NTSR2: variants seen among roughly 807,000 people sequenced by gnomAD.
NTSR2 encodes neurotensin receptor 2.
A neutral mutation model predicts 24.1 loss-of-function variants in NTSR2; 22 were observed. The observed-to-expected ratio is 0.91, with a 90% CI of 0.65 to 1.30. The LOEUF (loss-of-function observed/expected upper bound fraction) is 1.30, where lower values mean the gene tolerates loss of function less well. Among genes scored for constraint, NTSR2 ranks in the 50% most tolerant of loss-of-function variants. The pLI is 0.00. For synonymous variants in NTSR2, 291 were observed against 267.0 expected (o/e 1.09, Z -0.88); for missense variants, 570 against 570.4 (o/e 1.00, Z 0.01).
intron 1 of NTSR2, among the ~76,000 whole-genome samples, chr2:11,666,946 A>G (rs1572269018): frequency 6.6e-6 from 1 of 151,922 alleles, no homozygotes; most frequent in African/African-American, 2.4e-5. Context: ...GTGGGAAGAA[A>G]AGGCAGGAAA....
In NTSR2 at chr2:11,669,721, C is replaced by A. The variant is rs947758675; in HGVS notation, c.409G>T (p.Val137Leu). Residue 137 changes from valine (V) to leucine (L), a missense_variant, in exon 1 of 4, where the codon GTG (valine) becomes TTG (leucine). By Grantham distance (32) the Val-to-Leu change is conservative (BLOSUM62 1). Coordinates refer to ENST00000306928, the MANE Select transcript of NTSR2 (RefSeq NM_012344.4). ...AGLSAERCLA[V>L]CQPLRARSLL... ...CTGCGGGCACGCAGGGGCTGGCACACGGCTAGGCAGCGCTCGGCGCTCAGG... is the reference window on the plus strand; with the variant it reads ...CTGCGGGCACGCAGGGGCTGGCACAAGGCTAGGCAGCGCTCGGCGCTCAGG... 1.3e-6 allele frequency: 2 copies of A among 1,531,666 alleles called. No individual in the cohort carries two copies. Among genetic ancestry groups the A allele is most frequent in the Non-Finnish European group, 1.7e-6 (2 of 1,144,448 alleles). The allele number at this position is 1,531,666 out of a possible 1,614,324, so 94.9% of individuals were successfully genotyped here.
chr2:11,669,460 G>GGGGGGGGGCCCCCCCCCCCCCCCCCCC, intron 1 of NTSR2, 46 bp downstream of exon 1: 2 of 254,726 alleles, frequency 7.9e-6, no homozygotes, highest in Non-Finnish European at 1.4e-5. Context: ...TCCCAGCACC[G>GGGGGGGGGCCCCCCCCCCCCCCCCCCC]CCCCCCCACC....
chr2:11,664,701 A>T (rs1396385080), intron 1 of NTSR2, among the ~76,000 whole-genome samples: 1 of 152,212 alleles, frequency 6.6e-6, no homozygotes, highest in Non-Finnish European at 1.5e-5. Flanking sequence ...TGCATTAGTA[A>T]TTAATCTTTG....
At chr2:11,664,563 A>G (rs1237820576) in intron 1 of NTSR2, among the ~76,000 whole-genome samples, 1 of 152,142 alleles carries the variant, frequency 6.6e-6, no homozygotes, top group Non-Finnish European at 1.5e-5. Flanking sequence ...ATAAAACACT[A>G]CCTGTGACCA....
Position 11,662,068 on chromosome 2 carries a change from A to G in NTSR2, c.797T>C (p.Ile266Thr), listed in dbSNP as rs1394147338. Reference sequence around the variant, plus strand: ...CTGGATAAAGGTCTTCTTCCATACGATGAAGCTGAGGAGACCCTCCTCACT... The same window carrying G: ...CTGGATAAAGGTCTTCTTCCATACGGTGAAGCTGAGGAGACCCTCCTCACT... ...LLSEEGLLSF[I>T]VWKKTFIQGG... The change falls in exon 2 of 4, where the codon ATC becomes ACC. Residue 266 changes from isoleucine to threonine, a missense_variant. Physicochemically the swap from Ile to Thr is moderately conservative, Grantham distance 89 (BLOSUM62 -1). Transcript: ENST00000306928. 3.1e-6 allele frequency: 5 copies of G among 1,613,550 alleles called. No homozygotes were observed. In the African/African-American group the frequency reaches 5.3e-5, roughly 17 times the overall value.
At chr2:11,669,399 C>T (rs1661272588) in intron 1 of NTSR2, 107 bp downstream of exon 1, 3 of 957,190 alleles carry the variant, frequency 3.1e-6, no homozygotes, top group Non-Finnish European at 2.8e-6. Flanking sequence ...TGGGTGGTGG[C>T]GAGCATTAGA....
At chr2:11,662,625 C>T (rs1256651753) in intron 1 of NTSR2, among the ~76,000 whole-genome samples, 4 of 152,032 alleles carry the variant, frequency 2.6e-5, no homozygotes, top group Non-Finnish European at 5.9e-5. Context: ...ACTAAAAATA[C>T]AAAAAATTAG....
rs766274361 is a variant in NTSR2 at position 11,669,650 on chromosome 2, C to G, written c.480G>C (p.Trp160Cys). ...GCAGGGCGAGGCCGAGCGAGGCGGC[C>G]CACGAGAGCGCCACCAGCCACCGGG... Reference protein sequence around the residue: ...RRTRWLVALSWAASLGLALPM... With the variant: ...RRTRWLVALSCAASLGLALPM... The change falls in exon 1 of 4, where the codon TGG (tryptophan) becomes TGC (cysteine). Residue 160 changes from tryptophan to cysteine, a missense_variant. Physicochemically the swap from Trp to Cys is radical, Grantham distance 215 (BLOSUM62 -2). Transcript: ENST00000306928. 40 of 1,553,482 alleles carry G rather than the reference C, an allele frequency of 2.6e-5. No individual in the cohort carries two copies. The Middle Eastern group carries it at 1.0e-3, about 39-fold the overall frequency.
chr2:11,666,810 G>C (rs953997293), intron 1 of NTSR2, among the ~76,000 whole-genome samples: 2 of 152,130 alleles, frequency 1.3e-5, no homozygotes, highest in Non-Finnish European at 2.9e-5. Context: ...AGGAGGGAGG[G>C]AAGGAGAAGG....
intron 1 of NTSR2, 48 bp downstream of exon 1, chr2:11,669,458 C>CCGGGGGGG: frequency 3.1e-6 from 1 of 323,366 alleles, no homozygotes; most frequent in African/African-American, 2.4e-5. Context: ...CCTCCCAGCA[C>CCGGGGGGG]CGCCCCCCCA....
At chr2:11,664,239 C>T (rs1661144300) in intron 1 of NTSR2, among the ~76,000 whole-genome samples, 1 of 151,928 alleles carries the variant, frequency 6.6e-6, no homozygotes, top group Admixed American at 6.6e-5. Context: ...ACCTCAGCCT[C>T]CCGAGTAGCT....
intron 3 of NTSR2, 83 bp from the exon 4 acceptor site, chr2:11,658,805 C>G: frequency 6.8e-7 from 1 of 1,478,664 alleles, no homozygotes; most frequent in Non-Finnish European, 9.2e-7. Flanking sequence ...TGCCTCTCCT[C>G]CAGAGGGCTG....
At chr2:11,669,460 G>GGGGGGGGGGGGGGGGGGCCCCCCCCCCC in intron 1 of NTSR2, 46 bp downstream of exon 1, 7 of 254,726 alleles carry the variant, frequency 2.7e-5, no homozygotes, top group Non-Finnish European at 3.4e-5. Context: ...TCCCAGCACC[G>GGGGGGGGGGGGGGGGGGCCCCCCCCCCC]CCCCCCCACC....
intron 1 of NTSR2, 47 bp downstream of exon 1, chr2:11,669,459 C>CGGGGCGGGGGGGGGG: frequency 3.0e-6 from 1 of 337,896 alleles, no homozygotes; most frequent in Non-Finnish European, 5.3e-6. Flanking sequence ...CTCCCAGCAC[C>CGGGGCGGGGGGGGGG]GCCCCCCCAC....
At chr2:11,658,757 C>G in intron 3 of NTSR2, 35 bp from the exon 4 acceptor site, 1 of 1,606,614 alleles carries the variant, frequency 6.2e-7, no homozygotes, top group Non-Finnish European at 8.5e-7. Flanking sequence ...GTTAGAGGAC[C>G]TGTCACCTCC....
chr2:11,669,460 G>GGGGGGGGGGCCCCCCCCCCCCCC, intron 1 of NTSR2, 46 bp downstream of exon 1: 2 of 254,724 alleles, frequency 7.9e-6, no homozygotes, highest in East Asian at 5.5e-5. Flanking sequence ...TCCCAGCACC[G>GGGGGGGGGGCCCCCCCCCCCCCC]CCCCCCCACC....
rs1661291065 is a variant in NTSR2 at position 11,669,861 on chromosome 2, T to A, written c.269A>T (p.Glu90Val). 1 of 1,585,686 alleles carries A rather than the reference T, an allele frequency of 6.3e-7. No individual in the cohort carries two copies. The change falls in exon 1 of 4, where the codon GAG becomes GTG. Residue 90 changes from glutamate (E) to valine (V), a missense_variant. Coordinates refer to ENST00000306928, the MANE Select transcript of NTSR2 (RefSeq NM_012344.4). ...GTGGAACCACACGAAGCTGTAGAGC[T>A]CCACCGGCACGCCGACCAGCAGCAG... ...LLLLLVGVPVELYSFVWFHYP... is the reference protein window; with the variant it reads ...LLLLLVGVPVVLYSFVWFHYP...
intron 3 of NTSR2, 114 bp downstream of exon 3, chr2:11,659,929 C>T (rs1661033137): frequency 3.9e-6 from 3 of 766,742 alleles, no homozygotes; most frequent in African/African-American, 1.7e-5. Flanking sequence ...GGAATGCGGT[C>T]CAGGATTCCA....
chr2:11,669,666 A>G lies in NTSR2; in HGVS notation c.464T>C (p.Leu155Pro). 2 of 1,544,640 alleles carry G rather than the reference A, an allele frequency of 1.3e-6. No individual in the cohort carries two copies. Among genetic ancestry groups the G allele is most frequent in the Non-Finnish European group, 1.7e-6 (2 of 1,151,244 alleles). ...CGAGGCGGCCCACGAGAGCGCCACCAGCCACCGGGTCCGGCGTGGCGTCAG... is the reference window on the plus strand; with the variant it reads ...CGAGGCGGCCCACGAGAGCGCCACCGGCCACCGGGTCCGGCGTGGCGTCAG... ...SLLTPRRTRW[L>P]VALSWAASLG... The change falls in exon 1 of 4, where the codon CTG becomes CCG. Residue 155 changes from leucine to proline, a missense_variant. Transcript: ENST00000306928.
Sources: allele counts gnomAD v4.1 joint callset (sites outside exome capture counted in the v4.1 genomes callset), GRCh38; gene constraint gnomAD v4.1.1; transcripts MANE v1.5; gene names NCBI Gene and HGNC (gene_info 2026-07-23, HGNC 2026-07-21).